Variants in KCNH7 observed in about 807,000 individuals in gnomAD.
KCNH7 encodes voltage-gated inwardly rectifying potassium channel KCNH7.
A neutral mutation model predicts 120.8 loss-of-function variants in KCNH7; 49 were observed. The observed-to-expected ratio is 0.41, with a 90% CI of 0.32 to 0.51. The LOEUF (loss-of-function observed/expected upper bound fraction) is 0.51. Among genes scored for constraint, KCNH7 ranks in the 20% least tolerant of loss-of-function variants. KCNH7 has a pLI of 0.38. For synonymous variants in KCNH7, 547 were observed against 516.1 expected (o/e 1.06, Z -0.81); for missense variants, 1,097 against 1,446.6 (o/e 0.76, Z 3.92).
At chr2:162,621,972 T>G (rs1219512037) in intron 2 of KCNH7, among the ~76,000 whole-genome samples, 1 of 152,230 alleles carries the variant, frequency 6.6e-6, no homozygotes, top group African/African-American at 2.4e-5. Flanking sequence ...CTTTTGCCAC[T>G]TCTCATGTGT....
rs542716739 is a variant in KCNH7, at chr2:162,396,140, G to A, written c.2613+600C>T. On this transcript the variant is annotated intron_variant, in intron 11 of 15. Coordinates refer to ENST00000332142, the MANE Select transcript of KCNH7 (RefSeq NM_033272.4). ...AGTAAGGAACATAAGAGCTACACTC[G>A]AAGTTCATTCTGGGTTAACTTACAT... 8.6e-5 allele frequency among the ~76,000 whole-genome samples: 13 copies of A among 151,752 alleles called. No individual in the cohort carries two copies. The South Asian group carries it at 1.7e-3, about 19-fold the overall frequency.
intron 6 of KCNH7, among the ~76,000 whole-genome samples, chr2:162,447,984 A>C (rs1014042493): frequency 1.3e-5 from 2 of 152,124 alleles, no homozygotes; most frequent in African/African-American, 4.8e-5. Context: ...TGACCACTTA[A>C]TCAGTCCACT....
rs142210415 is a variant in KCNH7 at position 162,371,933 on chromosome 2, C to T, written c.3487G>A (p.Val1163Ile). The change falls in exon 16 of 16, where the codon GTT (valine) becomes ATT (isoleucine). Residue 1163 changes from valine (V) to isoleucine (I), a missense_variant. By Grantham distance (29) the Val-to-Ile change is conservative. Around this residue, in one of 8 missense-constraint regions of KCNH7, gnomAD observed 406 missense variants for 410.5 expected, o/e 0.99. Transcript: ENST00000332142. The stretch of plus-strand genomic sequence containing the variant: ...AAAGAAGGATGCCTAATTGGATGAA[C>T]GTAAGTTTTTCTTTGCCGCAGGTGA... Reference protein sequence around the residue: ...ELHLRQRKTYVHPIRHPSLPD... With the variant: ...ELHLRQRKTYIHPIRHPSLPD... 9.8e-5 allele frequency: 158 copies of T among 1,613,734 alleles called. No homozygotes were observed. The highest frequency in any genetic ancestry group is 1.2e-4 in the Non-Finnish European group (138 of 1,179,880).
chr2:162,433,446 A>G (rs938291934), intron 8 of KCNH7, among the ~76,000 whole-genome samples: 1 of 152,122 alleles, frequency 6.6e-6, no homozygotes, highest in Non-Finnish European at 1.5e-5. Flanking sequence ...GGCCAATAGA[A>G]TAGAATAGAA....
At chr2:162,758,082 T>C (rs1262881161) in intron 2 of KCNH7, among the ~76,000 whole-genome samples, 1 of 152,190 alleles carries the variant, frequency 6.6e-6, no homozygotes, top group Admixed American at 6.6e-5. Flanking sequence ...TTATTTCTTC[T>C]CTGTTGTTTC....
At chr2:162,673,642 C>A (rs1361925960) in intron 2 of KCNH7, among the ~76,000 whole-genome samples, 1 of 151,954 alleles carries the variant, frequency 6.6e-6, no homozygotes, top group Non-Finnish European at 1.5e-5. Flanking sequence ...TTCAGTATGG[C>A]CCCTGGAAAG....
intron 2 of KCNH7, among the ~76,000 whole-genome samples, chr2:162,825,102 G>T (rs1038780510): frequency 6.6e-6 from 1 of 151,930 alleles, no homozygotes; most frequent in Non-Finnish European, 1.5e-5. Context: ...AAATAGTAAA[G>T]ACTTGGTATC....
At position 162,400,319 on chromosome 2, in the gene KCNH7, C is replaced by T. The variant is rs1207356574; in HGVS notation, c.2277G>A (p.Met759Ile). The T allele has an allele frequency of 1.2e-6, 2 of 1,612,552 alleles. No homozygotes were observed. The highest frequency in any genetic ancestry group is 8.5e-7 in the Non-Finnish European group (1 of 1,179,068). ...ASKGCLRALA[M>I]KFKTTHAPPG... ...GAGGTGCATGGGTGGTTTTGAACTTCATTGCCAAAGCTCTAAGGCAACCTT... is the reference window on the plus strand; with the variant it reads ...GAGGTGCATGGGTGGTTTTGAACTTTATTGCCAAAGCTCTAAGGCAACCTT... Residue 759 changes from methionine (M) to isoleucine (I), a missense_variant, in exon 10 of 16, where the codon ATG becomes ATA. Coordinates refer to ENST00000332142, the MANE Select transcript of KCNH7 (RefSeq NM_033272.4).
intron 2 of KCNH7, among the ~76,000 whole-genome samples, chr2:162,569,476 A>G (rs1390842305): frequency 6.9e-6 from 1 of 144,688 alleles, no homozygotes; most frequent in South Asian, 2.3e-4. Flanking sequence ...CTTTCAAAAA[A>G]CCAGCTCCTG....
intron 2 of KCNH7, among the ~76,000 whole-genome samples, chr2:162,715,575 A>G (rs1392507213): frequency 6.6e-6 from 1 of 152,202 alleles, no homozygotes; most frequent in Non-Finnish European, 1.5e-5. Context: ...ATGTTGGAGT[A>G]AATTATCTTG....
At chr2:162,814,651 G>A (rs116546405) in intron 2 of KCNH7, among the ~76,000 whole-genome samples, 2,439 of 152,102 alleles carry the variant, frequency 0.016, 55 homozygotes, top group African/African-American at 0.049. Flanking sequence ...CATCACTCTC[G>A]CCTCAGCTCC....
intron 2 of KCNH7, among the ~76,000 whole-genome samples, chr2:162,670,133 C>T (rs1685293106): frequency 1.3e-5 from 2 of 150,774 alleles, no homozygotes; most frequent in South Asian, 2.1e-4. Flanking sequence ...AAATTGACTC[C>T]CAAAAGAATG....
chr2:162,623,832 G>A (rs1240160264), intron 2 of KCNH7, among the ~76,000 whole-genome samples: 2 of 152,204 alleles, frequency 1.3e-5, no homozygotes, highest in Non-Finnish European at 2.9e-5. Context: ...TCAATAATTT[G>A]AGGAGTGTTT....
intron 3 of KCNH7, among the ~76,000 whole-genome samples, chr2:162,522,362 A>G (rs1691562752): frequency 1.3e-5 from 2 of 152,052 alleles, no homozygotes; most frequent in African/African-American, 4.8e-5. Context: ...CCACATAGGC[A>G]TTTAGTTTAT....
intron 2 of KCNH7, among the ~76,000 whole-genome samples, chr2:162,591,543 C>G (rs906995316): frequency 1.3e-5 from 2 of 151,940 alleles, no homozygotes; most frequent in Non-Finnish European, 2.9e-5. Flanking sequence ...AGATAAATAG[C>G]AAGTACCTTC....
At chr2:162,455,870 A>G (rs2105587607) in intron 6 of KCNH7, among the ~76,000 whole-genome samples, 1 of 151,836 alleles carries the variant, frequency 6.6e-6, no homozygotes, top group Middle Eastern at 3.4e-3. Flanking sequence ...TATTTTGTTA[A>G]TCCTTTCAAA....
intron 2 of KCNH7, among the ~76,000 whole-genome samples, chr2:162,830,778 C>T: frequency 6.6e-6 from 1 of 152,174 alleles, no homozygotes; most frequent in Non-Finnish European, 1.5e-5. Flanking sequence ...CTTCTGCATT[C>T]TGCCATGTGA....
chr2:162,549,885 G>A (rs370137903), intron 2 of KCNH7, among the ~76,000 whole-genome samples: 1 of 152,160 alleles, frequency 6.6e-6, no homozygotes, highest in Non-Finnish European at 1.5e-5. Context: ...GGAAAACATA[G>A]TTAAGAAGGC....
intron 2 of KCNH7, among the ~76,000 whole-genome samples, chr2:162,742,249 A>C: frequency 6.6e-6 from 1 of 152,146 alleles, no homozygotes; most frequent in South Asian, 2.1e-4. Context: ...AATGACACGA[A>C]GAGTTGGTTT....
Sources: gnomAD v4.1 joint callset for allele counts (sites outside exome capture counted in the v4.1 genomes callset) on GRCh38, gnomAD v4.1.1 for gene constraint, gnomAD v4.1.1 regional missense constraint, MANE v1.5 for transcripts, NCBI Gene and HGNC (gene_info 2026-07-23, HGNC 2026-07-21) for gene names.